The following PLA2G6 variants were observed in gnomAD, a reference collection of about 807,000 sequenced individuals.
The protein encoded by PLA2G6 is phospholipase A2 group VI, also known as 85/88 kDa calcium-independent phospholipase A2.
In PLA2G6, 62 loss-of-function variants were observed where a neutral mutation model predicts 83.8. That is an observed-to-expected ratio of 0.74 (90% CI 0.60 to 0.91). PLA2G6 has a LOEUF of 0.91. Among genes scored for constraint, PLA2G6 ranks in the 40% least tolerant of loss-of-function variants. The pLI is 0.00. For missense variants in PLA2G6, 944 were observed against 1,102.0 expected (o/e 0.86, Z 2.03); for synonymous variants, 417 against 449.8 (o/e 0.93, Z 0.92).
Position 38,123,210 on chromosome 22 carries a change from GA to G in PLA2G6, c.1475del (p.Ile492ThrfsTer53), listed in dbSNP as rs1297189673. ...CLDGGGVKGL[I>X]IIQLLIAIEK... ...CGATGGCGATGAGGAGCTGGATGATGATGAGGCCTTTCACTCCTCCTCCATC... is the reference window on the plus strand; with the variant it reads ...CGATGGCGATGAGGAGCTGGATGATGTGAGGCCTTTCACTCCTCCTCCATC... On this transcript the variant is annotated frameshift_variant, in exon 11 of 17. Coordinates refer to ENST00000332509, the MANE Select transcript of PLA2G6 (RefSeq NM_003560.4). LOFTEE classifies it high-confidence loss of function. The surrounding 1 kb of genome is among the most constrained non-coding windows in gnomAD (Gnocchi z 4.1). 1.3e-6 allele frequency: 2 copies of G among 1,555,740 alleles called. No individual in the cohort carries two copies. Among genetic ancestry groups the G allele is most frequent in the South Asian group, 2.4e-5 (2 of 84,202 alleles).
At chr22:38,142,374 T>C (rs1382493953) in intron 4 of PLA2G6, 6 of 153,488 alleles carry the variant, frequency 3.9e-5, no homozygotes, top group South Asian at 4.1e-4. Context: ...AGCTATTTAA[T>C]AGTATCACCC....
intron 5 of PLA2G6, chr22:38,137,156 T>G (rs1321924505): frequency 6.6e-6 from 1 of 152,372 alleles, no homozygotes; most frequent in Non-Finnish European, 1.5e-5. Flanking sequence ...TCTCTATTAT[T>G]AGGGGTGCCC....
At chr22:38,119,839 A>C (rs2087421515) in intron 12 of PLA2G6, among the ~76,000 whole-genome samples, 1 of 152,156 alleles carries the variant, frequency 6.6e-6, no homozygotes, top group Admixed American at 6.5e-5. Flanking sequence ...GAAAGGAAAA[A>C]ATCACAAACT....
intron 14 of PLA2G6, among the ~76,000 whole-genome samples, chr22:38,114,857 G>C (rs1336992752): frequency 6.6e-6 from 1 of 152,216 alleles, no homozygotes; most frequent in African/African-American, 2.4e-5. Flanking sequence ...CCATTAGGTA[G>C]CTGCAGTGAG....
chr22:38,112,212 A>G lies in PLA2G6; in HGVS notation c.2370T>C (p.Tyr790=). The change falls in exon 17 of 17, where the codon TAT becomes TAC. Residue 790 remains tyrosine (Y), a synonymous_variant. Transcript: ENST00000332509. Reference sequence around the variant, plus strand: ...GCTTCTGGAACTCCTCGCGGTGCTCATAGATGTAGACCTCGGTCTCCCAGA... The same window carrying G: ...GCTTCTGGAACTCCTCGCGGTGCTCGTAGATGTAGACCTCGGTCTCCCAGA... The part of the protein sequence containing the change: ...NALWETEVYI[Y]EHREEFQKLI... 6.2e-7 allele frequency: 1 copy of G among 1,609,952 alleles called. No individual in the cohort carries two copies. Among genetic ancestry groups the G allele is most frequent in the Non-Finnish European group, 8.5e-7 (1 of 1,178,036 alleles).
At chr22:38,151,278 CT>C in intron 2 of PLA2G6, among the ~76,000 whole-genome samples, 1 of 151,688 alleles carries the variant, frequency 6.6e-6, no homozygotes, top group South Asian at 2.1e-4. Context: ...CATGGTCTCA[CT>C]CCTGTCACCC....
chr22:38,169,968 C>T (rs1025319124), intron 1 of PLA2G6, among the ~76,000 whole-genome samples: 5 of 152,128 alleles, frequency 3.3e-5, no homozygotes, highest in African/African-American at 4.8e-5. Context: ...GAGGCTGAGG[C>T]GGGCGGATCA....
intron 15 of PLA2G6, chr22:38,112,865 C>T: frequency 1.7e-6 from 1 of 571,648 alleles, no homozygotes; most frequent in South Asian, 2.1e-5. Flanking sequence ...TGTCCCCTCT[C>T]CCTGAAGTTT....
chr22:38,159,725 A>AAAGGAAGGAAGGAAAGAAGGAAGG (rs2089933704), intron 2 of PLA2G6, among the ~76,000 whole-genome samples: 2 of 143,104 alleles, frequency 1.4e-5, no homozygotes, highest in African/African-American at 5.5e-5. Context: ...GAGATAGATG[A>AAAGGAAGGAAGGAAAGAAGGAAGG]AAGGAAGGAA....
chr22:38,142,335 C>A (rs1029845256), intron 4 of PLA2G6: 21 of 152,062 alleles, frequency 1.4e-4, no homozygotes, highest in African/African-American at 5.1e-4. Flanking sequence ...CAACATCCTG[C>A]CTTTTCTGTT....
chr22:38,170,106 G>A (rs1031947986), intron 1 of PLA2G6, among the ~76,000 whole-genome samples: 2 of 151,478 alleles, frequency 1.3e-5, no homozygotes, highest in Admixed American at 6.6e-5. Context: ...GCTGAGGCAG[G>A]AGAATCACTT....
chr22:38,146,448 T>C (rs1401693767), intron 2 of PLA2G6: 1 of 152,048 alleles, frequency 6.6e-6, no homozygotes, highest in Non-Finnish European at 1.5e-5. Flanking sequence ...CCTCCAAAAG[T>C]ACTGGGATTA....
At chr22:38,171,783 C>G (rs133001) in intron 1 of PLA2G6, among the ~76,000 whole-genome samples, 1 of 150,328 alleles carries the variant, frequency 6.7e-6, no homozygotes, top group Non-Finnish European at 1.5e-5. Context: ...ATAGCACCAC[C>G]GCACTCCAGC....
intron 2 of PLA2G6, among the ~76,000 whole-genome samples, chr22:38,153,714 A>C (rs113063399): frequency 2.6e-5 from 4 of 152,148 alleles, no homozygotes; most frequent in African/African-American, 9.6e-5. Context: ...TGAACTATAC[A>C]CACAAAAAAG....
In PLA2G6 at chr22:38,124,573, T is replaced by C. The variant is rs116310449; in HGVS notation, c.1428-1315A>G. On this transcript the variant is annotated intron_variant, in intron 10 of 16. Transcript: ENST00000332509. ...CTGAGAGAAGCCTGCCCTGATGCCA[T>C]CGAGACCCTCCCTCACAGCCCGCCT... 6.3e-4 allele frequency among the ~76,000 whole-genome samples: 96 copies of C among 152,178 alleles called. 1 individual carries two copies. In the Middle Eastern group the frequency reaches 0.017, roughly 27 times the overall value.
At chr22:38,120,615 C>T (rs1180938456) in intron 12 of PLA2G6, 144 bp downstream of exon 12, 2 of 1,005,080 alleles carry the variant, frequency 2.0e-6, no homozygotes, top group African/African-American at 1.6e-5. Flanking sequence ...AGCCCTCTGC[C>T]TCCCTGGGAA....
rs1253812601 is a variant in PLA2G6 at position 38,154,933 on chromosome 22, A to G, written c.210-9280T>C. Among the ~76,000 whole-genome samples the G allele has an allele frequency of 2.0e-5, 3 of 152,200 alleles. 1 individual carries two copies. Among genetic ancestry groups the G allele is most frequent in the African/African-American group, 7.2e-5 (3 of 41,452 alleles). ...TTAGCAAAGAGATTGAAATAATTTA[A>G]AAGAATCAAGCAGGCTGGGCACAGT... is the stretch of plus-strand genomic sequence containing the variant. On this transcript the variant is annotated intron_variant, in intron 2 of 16. Transcript: ENST00000332509.
chr22:38,120,746 C>A lies in PLA2G6; in HGVS notation c.1742+13G>T, dbSNP rs199853500. The A allele has an allele frequency of 4.6e-5, 74 of 1,613,312 alleles. 1 individual carries two copies. In the African/African-American group the frequency reaches 8.4e-4, roughly 18 times the overall value. On this transcript the variant is annotated intron_variant, in intron 12 of 16. Coordinates refer to ENST00000332509, the MANE Select transcript of PLA2G6 (RefSeq NM_003560.4). The stretch of plus-strand genomic sequence containing the variant: ...CACAGCTGCGGCCACGGCCCCAGTG[C>A]GCCAGGGCTTACTTGGGTTTCCTGA...
At chr22:38,150,158 T>G (rs2089494532) in intron 2 of PLA2G6, 1 of 151,990 alleles carries the variant, frequency 6.6e-6, no homozygotes, top group Non-Finnish European at 1.5e-5. Context: ...CTAAAATCAC[T>G]GATATTCCTT....
Sources: gnomAD v4.1 joint callset for allele counts (sites outside exome capture counted in the v4.1 genomes callset) on GRCh38, gnomAD v4.1.1 for gene constraint, Gnocchi (gnomAD v3.1) non-coding constraint, MANE v1.5 for transcripts, NCBI Gene and HGNC (gene_info 2026-07-23, HGNC 2026-07-21) for gene names.